Variants in PIR observed in about 807,000 individuals in gnomAD.
PIR encodes the protein pirin (iron-binding nuclear protein).
In PIR, 22 loss-of-function variants were observed where a neutral mutation model predicts 24.2. The observed-to-expected ratio is 0.91, with a 90% confidence interval of 0.65 to 1.30. The LOEUF (loss-of-function observed/expected upper bound fraction) is 1.30. Among genes scored for constraint, PIR ranks in the 50% most tolerant of loss-of-function variants. The pLI is 0.00. For missense variants in PIR, 220 were observed against 220.3 expected, an observed-to-expected ratio of 1.00 and a Z score of 0.01; for synonymous variants, 80 against 79.6, an observed-to-expected ratio of 1.00 and a Z score of -0.03.
At chrX:15,394,361 T>A (rs1409638672) in intron 8 of PIR, among the ~76,000 whole-genome samples, 1 of 112,411 alleles carries the variant, frequency 8.9e-6, no homozygotes, top group Admixed American at 9.4e-5. Flanking sequence ...TCTTTCAATG[T>A]TTATTTTAAT....
chrX:15,492,775 T>C (rs1453552981), intron 1 of PIR, among the ~76,000 whole-genome samples: 1 of 111,964 alleles, frequency 8.9e-6, no homozygotes, highest in Admixed American at 9.4e-5. Flanking sequence ...ACCCTCCACT[T>C]AGTCAAGGCC....
chrX:15,412,401 T>C, intron 6 of PIR, among the ~76,000 whole-genome samples: 1 of 112,339 alleles, frequency 8.9e-6, no homozygotes, highest in East Asian at 2.8e-4. Flanking sequence ...TAGAGAATTT[T>C]CATTTATTTT....
chrX:15,386,122 T>C (rs1181184344), intron 9 of PIR, among the ~76,000 whole-genome samples: 1 of 112,392 alleles, frequency 8.9e-6, no homozygotes, highest in African/African-American at 3.2e-5. Context: ...TCATCCAGCC[T>C]GCAGAAGTTC....
chrX:15,413,342 G>A (rs138935408), intron 6 of PIR, among the ~76,000 whole-genome samples: 85 of 111,464 alleles, frequency 7.6e-4, no homozygotes, highest in African/African-American at 2.7e-3. Context: ...CTTCGACTGC[G>A]GAGCAAAGCT....
intron 8 of PIR, among the ~76,000 whole-genome samples, chrX:15,391,521 T>C (rs1425907169): frequency 8.9e-6 from 1 of 112,296 alleles, no homozygotes; most frequent in African/African-American, 3.2e-5. Flanking sequence ...AAGAGTCCTA[T>C]CTATCAAAAT....
At chrX:15,409,914 G>T in intron 6 of PIR, among the ~76,000 whole-genome samples, 1 of 107,809 alleles carries the variant, frequency 9.3e-6, no homozygotes. Context: ...TGTGTTTTCA[G>T]TTTTTTTTTT....
chrX:15,468,134 C>T (rs985493387), intron 3 of PIR, among the ~76,000 whole-genome samples: 1 of 112,451 alleles, frequency 8.9e-6, no homozygotes, highest in African/African-American at 3.2e-5. Flanking sequence ...AACGGGTAGT[C>T]GGAACTATTG....
chrX:15,408,203 C>T (rs1924611996), intron 6 of PIR, among the ~76,000 whole-genome samples: 2 of 111,261 alleles, frequency 1.8e-5, no homozygotes, highest in African/African-American at 3.3e-5. Context: ...GTGATCCGCC[C>T]GCCTTGACCT....
chrX:15,427,860 C>CATAT (rs59887338), intron 5 of PIR, among the ~76,000 whole-genome samples: 1 of 107,954 alleles, frequency 9.3e-6, no homozygotes, highest in African/African-American at 3.4e-5. Flanking sequence ...TGTATGTATA[C>CATAT]ATATATATAT....
intron 6 of PIR, among the ~76,000 whole-genome samples, chrX:15,418,381 C>T (rs1294377837): frequency 8.9e-6 from 1 of 112,250 alleles, no homozygotes; most frequent in Non-Finnish European, 1.9e-5. Context: ...ACAGTGTTAT[C>T]TGTAAATCAG....
chrX:15,424,885 G>C (rs779363676), intron 6 of PIR, among the ~76,000 whole-genome samples: 1 of 110,636 alleles, frequency 9.0e-6, no homozygotes, highest in Non-Finnish European at 1.9e-5. Flanking sequence ...TGTAGGCTCA[G>C]TTACTTGGGA....
rs942064205 is a variant in PIR at position 15,474,899 on chromosome X, T to C, written c.189+4830A>G. Among the ~76,000 whole-genome samples, 7 of 112,339 alleles carry C rather than the reference T, an allele frequency of 6.2e-5. 1 individual carries two copies. The highest frequency in any genetic ancestry group is 1.1e-4 in the Non-Finnish European group (6 of 53,258). ...CTGTGATGGTACTGGTAGACAGTCTTGTCTTCTTTCTCATATTAATAGGAA... is the reference window on the plus strand; with the variant it reads ...CTGTGATGGTACTGGTAGACAGTCTCGTCTTCTTTCTCATATTAATAGGAA... On this transcript the variant is annotated intron_variant, in intron 3 of 9. Transcript: ENST00000380420.
chrX:15,454,484 A>C (rs768104393), intron 5 of PIR, among the ~76,000 whole-genome samples: 148 of 109,739 alleles, frequency 1.3e-3, no homozygotes, highest in Non-Finnish European at 1.6e-3. Context: ...AAAAAAAAAA[A>C]AAACAAAAAA....
chrX:15,439,616 G>A (rs944456134), intron 5 of PIR, among the ~76,000 whole-genome samples: 1 of 111,982 alleles, frequency 8.9e-6, no homozygotes, highest in African/African-American at 3.2e-5. Context: ...TGTGGGAAAA[G>A]AAAAGATAGA....
chrX:15,400,960 G>T (rs1924362013), intron 7 of PIR, among the ~76,000 whole-genome samples: 1 of 109,594 alleles, frequency 9.1e-6, no homozygotes, highest in Non-Finnish European at 1.9e-5. Context: ...GGATGGTCTT[G>T]ATCTCCTGAC....
chrX:15,483,174 T>TATATAG (rs955424390), intron 2 of PIR, among the ~76,000 whole-genome samples: 4 of 98,751 alleles, frequency 4.1e-5, no homozygotes, highest in African/African-American at 1.5e-4. Context: ...CATATATATA[T>TATATAG]AAATTCAACA....
intron 7 of PIR, among the ~76,000 whole-genome samples, chrX:15,404,666 T>A (rs1924498486): frequency 8.9e-6 from 1 of 112,548 alleles, no homozygotes; most frequent in African/African-American, 3.2e-5. Flanking sequence ...CTCTATTGAT[T>A]TTATAAGTCA....
chrX:15,411,602 A>T (rs1924742710), intron 6 of PIR, among the ~76,000 whole-genome samples: 1 of 111,001 alleles, frequency 9.0e-6, no homozygotes. Flanking sequence ...ACCCTTCACA[A>T]ACTCTGGATC....
chrX:15,420,544 C>T (rs1925096889), intron 6 of PIR, among the ~76,000 whole-genome samples: 1 of 112,096 alleles, frequency 8.9e-6, no homozygotes, highest in Non-Finnish European at 1.9e-5. Flanking sequence ...TAAATTTCCA[C>T]ATGGGAAGGC....
Sources: gnomAD v4.1 joint callset for allele counts (sites outside exome capture counted in the v4.1 genomes callset) on GRCh38, gnomAD v4.1.1 for gene constraint, MANE v1.5 for transcripts, NCBI Gene and HGNC (gene_info 2026-07-23, HGNC 2026-07-21) for gene names.